Variants in PARN observed in about 807,000 individuals in gnomAD.
PARN encodes the protein poly(A)-specific ribonuclease PARN.
In PARN, 71 loss-of-function variants were observed where a neutral mutation model predicts 102.8. The ratio of observed to expected loss-of-function variants is 0.69; its 90% confidence interval spans 0.57 to 0.84. The LOEUF is 0.84. Among genes scored for constraint, PARN ranks in the 40% least tolerant of loss-of-function variants. The pLI is 0.00. For missense variants in PARN, 782 were observed against 760.9 expected, an observed-to-expected ratio of 1.03 and a Z score of -0.33; for synonymous variants, 261 against 252.9, an observed-to-expected ratio of 1.03 and a Z score of -0.30.
intron 21 of PARN, among the ~76,000 whole-genome samples, chr16:14,535,354 T>TA (rs1443938697): frequency 1.3e-5 from 2 of 152,228 alleles, no homozygotes; most frequent in Non-Finnish European, 2.9e-5. Flanking sequence ...ACTCTGGTAT[T>TA]AAAGTGATGT....
chr16:14,470,583 G>A (rs1025510760), intron 22 of PARN, among the ~76,000 whole-genome samples: 2 of 151,410 alleles, frequency 1.3e-5, no homozygotes, highest in African/African-American at 4.8e-5. Context: ...TCAGCCTCCC[G>A]CCACAGCTGG....
chr16:14,470,437 G>GATGATTATTATTATT (rs369121377), intron 22 of PARN, among the ~76,000 whole-genome samples: 5 of 147,152 alleles, frequency 3.4e-5, no homozygotes, highest in South Asian at 2.2e-4. Flanking sequence ...GAGTTTGGAT[G>GATGATTATTATTATT]ATTATTATTA....
chr16:14,588,069 T>C (rs1969965585), intron 13 of PARN, among the ~76,000 whole-genome samples: 1 of 152,180 alleles, frequency 6.6e-6, no homozygotes, highest in East Asian at 1.9e-4. Context: ...TACAATGTTC[T>C]GTGGGAGTTG....
intron 21 of PARN, among the ~76,000 whole-genome samples, chr16:14,548,641 A>C (rs934432754): frequency 6.6e-6 from 1 of 152,100 alleles, no homozygotes; most frequent in Non-Finnish European, 1.5e-5. Context: ...GAGGTTCAAT[A>C]CCCTACAAAG....
intron 21 of PARN, among the ~76,000 whole-genome samples, chr16:14,487,166 G>T (rs1034159691): frequency 1.3e-5 from 2 of 152,234 alleles, no homozygotes; most frequent in Admixed American, 6.5e-5. Flanking sequence ...TTAATCTTCG[G>T]ATGTTCTAGT....
intron 22 of PARN, among the ~76,000 whole-genome samples, chr16:14,464,237 G>A (rs1962184412): frequency 6.6e-6 from 1 of 151,988 alleles, no homozygotes; most frequent in Non-Finnish European, 1.5e-5. Context: ...AACATTACCA[G>A]GGCACATCAT....
At chr16:14,459,215 T>C (rs1395515427) in intron 22 of PARN, among the ~76,000 whole-genome samples, 1 of 152,166 alleles carries the variant, frequency 6.6e-6, no homozygotes, top group East Asian at 1.9e-4. Context: ...AAATTTGTAC[T>C]GGGGAGATAA....
intron 7 of PARN, among the ~76,000 whole-genome samples, chr16:14,609,570 C>G (rs1191211576): frequency 1.3e-5 from 2 of 151,936 alleles, no homozygotes; most frequent in African/African-American, 4.8e-5. Flanking sequence ...GACCCTGTCT[C>G]AAAAAATAAA....
intron 21 of PARN, among the ~76,000 whole-genome samples, chr16:14,519,340 G>T: frequency 8.5e-6 from 1 of 117,110 alleles, no homozygotes; most frequent in Non-Finnish European, 1.8e-5. Context: ...TGAGTGGAGG[G>T]TGGAGGGGAG....
chr16:14,491,048 C>T (rs969413362), intron 21 of PARN, among the ~76,000 whole-genome samples: 1 of 151,850 alleles, frequency 6.6e-6, no homozygotes, highest in Non-Finnish European at 1.5e-5. Flanking sequence ...TAGGCAGATA[C>T]TAAGTTGGAA....
At chr16:14,494,367 C>G (rs1964205218) in intron 21 of PARN, among the ~76,000 whole-genome samples, 1 of 152,186 alleles carries the variant, frequency 6.6e-6, no homozygotes, top group African/African-American at 2.4e-5. Context: ...CACCCACGGG[C>G]TGAGGGTTAG....
At chr16:14,621,467 G>A (rs189238967) in intron 5 of PARN, among the ~76,000 whole-genome samples, 229 of 152,226 alleles carry the variant, frequency 1.5e-3, no homozygotes, top group African/African-American at 5.4e-3. Flanking sequence ...TTTAAATACG[G>A]TTAGAATAGT....
chr16:14,461,649 T>G (rs1253520246), intron 22 of PARN, among the ~76,000 whole-genome samples: 1 of 152,262 alleles, frequency 6.6e-6, no homozygotes, highest in African/African-American at 2.4e-5. Flanking sequence ...AGATTTACAG[T>G]AACTCAAATG....
intron 18 of PARN, among the ~76,000 whole-genome samples, chr16:14,575,843 C>T (rs1362918104): frequency 6.6e-6 from 1 of 152,148 alleles, no homozygotes; most frequent in East Asian, 1.9e-4. Context: ...TCCCACAATT[C>T]CCACATATCG....
Position 14,469,993 on chromosome 16 carries a change from T to C in PARN, c.1670+12645A>G, listed in dbSNP as rs79902274. Reference sequence around the variant, plus strand: ...TATACTATCACAAAAAATTATACTATTACATGAAGATAAGTACTCAATAAT... The same window carrying C: ...TATACTATCACAAAAAATTATACTACTACATGAAGATAAGTACTCAATAAT... On this transcript the variant is annotated intron_variant, in intron 22 of 23. Coordinates refer to ENST00000437198, the MANE Select transcript of PARN (RefSeq NM_002582.4). Among the ~76,000 whole-genome samples, 716 of 152,264 alleles carry C rather than the reference T, an allele frequency of 4.7e-3. 9 individuals are homozygous for C. The highest frequency in any genetic ancestry group is 0.016 in the African/African-American group (677 of 41,530).
chr16:14,461,496 A>G (rs1410341980), intron 22 of PARN, among the ~76,000 whole-genome samples: 1 of 152,148 alleles, frequency 6.6e-6, no homozygotes, highest in African/African-American at 2.4e-5. Context: ...TGCGCTTTCA[A>G]TGTAGTGAAA....
intron 18 of PARN, among the ~76,000 whole-genome samples, chr16:14,565,526 G>C (rs1403227251): frequency 6.6e-6 from 1 of 151,860 alleles, no homozygotes; most frequent in Non-Finnish European, 1.5e-5. Flanking sequence ...ATTATACAAA[G>C]GCAATGCCTG....
chr16:14,442,194 T>C (rs1219057172), intron 23 of PARN, among the ~76,000 whole-genome samples: 1 of 152,118 alleles, frequency 6.6e-6, no homozygotes, highest in Non-Finnish European at 1.5e-5. Flanking sequence ...AGACCATCCA[T>C]GCGGCCCTGA....
intron 18 of PARN, among the ~76,000 whole-genome samples, chr16:14,566,341 A>C (rs1968428312): frequency 1.3e-5 from 2 of 152,190 alleles, no homozygotes; most frequent in Non-Finnish European, 2.9e-5. Flanking sequence ...AGGAGGAGGC[A>C]ATGTGACCAT....
Sources: allele counts gnomAD v4.1 joint callset (sites outside exome capture counted in the v4.1 genomes callset), GRCh38; gene constraint gnomAD v4.1.1; transcripts MANE v1.5; gene names NCBI Gene and HGNC (gene_info 2026-07-23, HGNC 2026-07-21).